The following SPTLC2 variants were observed in gnomAD, a reference collection of about 807,000 sequenced individuals.
The protein encoded by SPTLC2 is serine palmitoyltransferase 2.
Under a neutral mutation model 62.0 loss-of-function variants are expected in SPTLC2, and 21 were observed. The ratio of observed to expected loss-of-function variants is 0.34; its 90% CI spans 0.24 to 0.49. SPTLC2 has a LOEUF of 0.49. Among genes scored for constraint, SPTLC2 ranks in the 20% least tolerant of loss-of-function variants. The pLI is 0.99. For synonymous variants in SPTLC2, 261 were observed against 261.8 expected, an observed-to-expected ratio of 1.00 and a Z score of 0.03; for missense variants, 511 against 713.0, an observed-to-expected ratio of 0.72 and a Z score of 3.23.
intron 1 of SPTLC2, among the ~76,000 whole-genome samples, chr14:77,611,026 G>A (rs1422449128): frequency 6.8e-6 from 1 of 147,036 alleles, no homozygotes; most frequent in Non-Finnish European, 1.5e-5. Context: ...AGGCATGGTG[G>A]CTCAAGCCTG....
In SPTLC2 at chr14:77,509,840, T is replaced by G. The variant is rs1287315184; in HGVS notation, c.*2444A>C. 5 of 398,400 alleles carry G rather than the reference T, an allele frequency of 1.3e-5. No individual in the cohort carries two copies. The highest frequency in any genetic ancestry group is 2.2e-5 in the Non-Finnish European group (5 of 225,940). 24.7% of individuals were successfully genotyped at this position (398,400 alleles called of 1,614,324 possible). Reference sequence around the variant, plus strand: ...GATTTGTCTCTTCAAAATAAACTTGTAACAAAATTACACTTATCTTGAAAT... The same window carrying G: ...GATTTGTCTCTTCAAAATAAACTTGGAACAAAATTACACTTATCTTGAAAT... On this transcript the variant is annotated 3_prime_UTR_variant, in exon 12 of 12. Transcript: ENST00000216484.
intron 6 of SPTLC2, among the ~76,000 whole-genome samples, chr14:77,560,123 A>C (rs912037594): frequency 6.6e-6 from 1 of 152,218 alleles, no homozygotes; most frequent in African/African-American, 2.4e-5. Context: ...ATTTGGAAAG[A>C]TTTAAAATGA....
chr14:77,604,058 TC>T (rs2079891818), intron 1 of SPTLC2, among the ~76,000 whole-genome samples: 1 of 152,214 alleles, frequency 6.6e-6, no homozygotes, highest in Non-Finnish European at 1.5e-5. Flanking sequence ...GGAGAGGCAA[TC>T]CGGTTTGTGT....
intron 5 of SPTLC2, among the ~76,000 whole-genome samples, chr14:77,565,855 T>C (rs1247634177): frequency 1.3e-5 from 2 of 152,190 alleles, no homozygotes; most frequent in Non-Finnish European, 2.9e-5. Flanking sequence ...GATGTTAACA[T>C]AAAGGGAAGC....
chr14:77,594,890 T>G (rs12878099), intron 2 of SPTLC2, among the ~76,000 whole-genome samples: 37,393 of 152,094 alleles, frequency 0.25, 4,761 homozygotes, highest in South Asian at 0.38. Flanking sequence ...TCAGCTACCA[T>G]CGGTCATAAC....
At chr14:77,585,827 T>C (rs1472049830) in intron 2 of SPTLC2, among the ~76,000 whole-genome samples, 2 of 152,234 alleles carry the variant, frequency 1.3e-5, no homozygotes, top group Non-Finnish European at 2.9e-5. Flanking sequence ...GCCATACTTA[T>C]TTTAAAAACT....
At chr14:77,529,620 C>CTTTCTTTCTT (rs1555373703) in intron 9 of SPTLC2, among the ~76,000 whole-genome samples, 1 of 76,046 alleles carries the variant, frequency 1.3e-5, no homozygotes, top group Non-Finnish European at 2.7e-5. Context: ...TTCTTTCTTT[C>CTTTCTTTCTT]TTTTTTTTTT....
At chr14:77,560,150 T>C (rs1566780114) in intron 6 of SPTLC2, among the ~76,000 whole-genome samples, 1 of 152,232 alleles carries the variant, frequency 6.6e-6, no homozygotes, top group South Asian at 2.1e-4. Flanking sequence ...ATAGCCTATG[T>C]TGGCCAGTGA....
chr14:77,534,178 T>TCACACACACA (rs199819444), intron 9 of SPTLC2, among the ~76,000 whole-genome samples: 8 of 114,896 alleles, frequency 7.0e-5, no homozygotes, highest in African/African-American at 1.1e-4. Context: ...TCTCTCTCTC[T>TCACACACACA]CACACACACA....
At chr14:77,525,302 G>A (rs368333038) in intron 9 of SPTLC2, among the ~76,000 whole-genome samples, 18 of 151,794 alleles carry the variant, frequency 1.2e-4, no homozygotes, top group African/African-American at 4.1e-4. Flanking sequence ...TGTCACTTAC[G>A]AAAAATGAGC....
chr14:77,519,505 T>C (rs1566767135), intron 10 of SPTLC2, among the ~76,000 whole-genome samples: 1 of 151,776 alleles, frequency 6.6e-6, no homozygotes, highest in Non-Finnish European at 1.5e-5. Context: ...TCACCTGAGG[T>C]CAGGAGTTGG....
intron 4 of SPTLC2, among the ~76,000 whole-genome samples, chr14:77,571,230 G>A (rs2079680555): frequency 6.6e-6 from 1 of 152,176 alleles, no homozygotes; most frequent in Admixed American, 6.5e-5. Context: ...TTTCTTCCTG[G>A]CAGGGTGCAG....
chr14:77,553,226 AG>A (rs1033621449), intron 8 of SPTLC2, among the ~76,000 whole-genome samples: 14 of 152,214 alleles, frequency 9.2e-5, no homozygotes, highest in African/African-American at 3.1e-4. Flanking sequence ...AGAACAAATT[AG>A]GGGGACACAA....
chr14:77,566,863 C>T (rs2079648035), intron 5 of SPTLC2, among the ~76,000 whole-genome samples: 1 of 119,736 alleles, frequency 8.4e-6, no homozygotes, highest in Non-Finnish European at 2.0e-5. Context: ...AACCACCTCA[C>T]ATGGAAATTC....
intron 9 of SPTLC2, among the ~76,000 whole-genome samples, chr14:77,544,666 TTCTGAACC>T (rs1594980781): frequency 1.3e-5 from 2 of 152,318 alleles, no homozygotes; most frequent in Admixed American, 6.5e-5. Flanking sequence ...AATGAGGTCA[TTCTGAACC>T]TGACAAAGAC....
At chr14:77,611,758 G>A (rs576004952) in intron 1 of SPTLC2, among the ~76,000 whole-genome samples, 20 of 151,806 alleles carry the variant, frequency 1.3e-4, no homozygotes, top group African/African-American at 4.6e-4. Flanking sequence ...CCCGGGAGGT[G>A]GAGGCTGCAG....
intron 9 of SPTLC2, among the ~76,000 whole-genome samples, chr14:77,533,300 CAA>C (rs35192294): frequency 0.27 from 26,409 of 98,356 alleles, 2,483 homozygotes; most frequent in East Asian, 0.56. Flanking sequence ...AACTCCGTTG[CAA>C]AAAAAAAAAA....
intron 9 of SPTLC2, among the ~76,000 whole-genome samples, chr14:77,531,643 A>G (rs765288609): frequency 2.0e-5 from 3 of 151,984 alleles, no homozygotes; most frequent in Non-Finnish European, 4.4e-5. Flanking sequence ...CCTCCTGAGT[A>G]GCTGGGATTA....
At chr14:77,536,924 C>CG (rs199910853) in intron 9 of SPTLC2, among the ~76,000 whole-genome samples, 4 of 149,258 alleles carry the variant, frequency 2.7e-5, no homozygotes, top group African/African-American at 1.0e-4. Context: ...TTCCCCCACC[C>CG]CCCCACTTCT....
Sources: gnomAD v4.1 joint callset for allele counts (sites outside exome capture counted in the v4.1 genomes callset) on GRCh38, gnomAD v4.1.1 for gene constraint, MANE v1.5 for transcripts, NCBI Gene and HGNC (gene_info 2026-07-23, HGNC 2026-07-21) for gene names.